TTF1: variants seen among roughly 807,000 people sequenced by gnomAD.
The protein encoded by TTF1 is transcription termination factor, RNA polymerase I.
In TTF1, 64 loss-of-function variants were observed where a neutral mutation model predicts 80.2. The observed-to-expected ratio is 0.80, with a 90% CI of 0.65 to 0.98. The LOEUF (loss-of-function observed/expected upper bound fraction) is 0.98. Ranked by LOEUF, TTF1 falls within the 50% of genes least tolerant of loss-of-function variation. TTF1 has a pLI of 0.00. For synonymous variants in TTF1, 372 were observed against 382.7 expected (o/e 0.97, Z 0.33); for missense variants, 1,023 against 1,086.2 (o/e 0.94, Z 0.82).
chr9:132,377,487 GGTGT>G (rs145667510), intron 10 of TTF1, among the ~76,000 whole-genome samples: 61,642 of 84,764 alleles, frequency 0.73, 23,615 homozygotes, highest in Non-Finnish European at 0.81. Flanking sequence ...GAATGCATGT[GGTGT>G]GTGTGAGTGC....
Position 132,384,044 on chromosome 9 carries a change from G to C in TTF1, c.2378+2512C>G, listed in dbSNP as rs1291759368. ...ACTAGAATTATTTGAATTTTGAATG[G>C]TACTAAGGCTGCAAAGTATGTAAAA... On this transcript the variant is annotated intron_variant, in intron 9 of 10. Coordinates refer to ENST00000334270, the MANE Select transcript of TTF1 (RefSeq NM_007344.4). This position sits in a 1 kb window ranked among gnomAD's most constrained non-coding sequence, Gnocchi z 4.1. 6.6e-6 allele frequency among the ~76,000 whole-genome samples: 1 copy of C among 152,090 alleles called. No individual in the cohort carries two copies. The highest frequency in any genetic ancestry group is 1.5e-5 in the Non-Finnish European group (1 of 68,026).
chr9:132,406,107 A>G (rs914293288), intron 1 of TTF1, among the ~76,000 whole-genome samples: 1 of 152,000 alleles, frequency 6.6e-6, no homozygotes, highest in Non-Finnish European at 1.5e-5. Context: ...CTCGATACAT[A>G]TTGAGAACGG....
chr9:132,381,694 G>A (rs1031571476), intron 9 of TTF1, among the ~76,000 whole-genome samples: 6 of 152,064 alleles, frequency 3.9e-5, no homozygotes, highest in African/African-American at 1.5e-4. Flanking sequence ...TTGGGACCAC[G>A]GCATGTATCT....
chr9:132,402,186 T>G lies in TTF1; in HGVS notation c.636A>C (p.Ala212=). The G allele has an allele frequency of 6.2e-7, 1 of 1,614,194 alleles. No individual in the cohort carries two copies. Among genetic ancestry groups the G allele is most frequent in the Non-Finnish European group, 8.5e-7 (1 of 1,180,038 alleles). ...TCTTAGACTTGTTTTTATGAGCAGATGCTGGTAGTTCTGTAATTTCACCCC... is the reference window on the plus strand; with the variant it reads ...TCTTAGACTTGTTTTTATGAGCAGAGGCTGGTAGTTCTGTAATTTCACCCC... ...GPGGEITELP[A]SAHKNKSKKK... The change falls in exon 2 of 11, where the codon GCA becomes GCC. Residue 212 remains alanine (A), a synonymous_variant. Coordinates refer to ENST00000334270, the MANE Select transcript of TTF1 (RefSeq NM_007344.4).
At chr9:132,399,619 T>C (rs1465383734) in intron 3 of TTF1, among the ~76,000 whole-genome samples, 1 of 152,190 alleles carries the variant, frequency 6.6e-6, no homozygotes, top group African/African-American at 2.4e-5. Flanking sequence ...AAGAAGGTGA[T>C]CAAGTCTACC....
At chr9:132,399,957 G>C (rs1352166740) in intron 3 of TTF1, 78 bp downstream of exon 3, 21 of 1,420,336 alleles carry the variant, frequency 1.5e-5, no homozygotes, top group Non-Finnish European at 2.1e-5. Flanking sequence ...CTATAAATCT[G>C]AATCATCCAT....
chr9:132,376,469 CAAAG>C (rs1026275034), intron 10 of TTF1, among the ~76,000 whole-genome samples: 43 of 152,086 alleles, frequency 2.8e-4, no homozygotes, highest in African/African-American at 8.7e-4. Context: ...CTGCTGAACG[CAAAG>C]ACGCATTTCA....
rs962328231 is a variant in TTF1, at chr9:132,400,058, C to T, written c.1568G>A (p.Arg523Gln). 24 of 1,614,052 alleles carry T rather than the reference C, an allele frequency of 1.5e-5. No homozygotes were observed. Among genetic ancestry groups the T allele is most frequent in the East Asian group, 2.2e-5 (1 of 44,896 alleles). The part of the protein sequence containing the change: ...IKRMYRDDLE[R>Q]FKEFKAQGVA... ...ACCTTGTGCTTTAAATTCCTTAAAC[C>T]GTTCCAAGTCGTCCCGGTACATCCG... is the stretch of plus-strand genomic sequence containing the variant. The change falls in exon 3 of 11, where the codon CGG becomes CAG. Residue 523 changes from arginine (R) to glutamine (Q), a missense_variant. Physicochemically the swap from Arg to Gln is conservative, Grantham distance 43 (BLOSUM62 1). Transcript: ENST00000334270.
intron 6 of TTF1, among the ~76,000 whole-genome samples, chr9:132,391,525 T>C (rs898772972): frequency 4.0e-5 from 6 of 151,792 alleles, no homozygotes; most frequent in Admixed American, 6.6e-5. Flanking sequence ...AAAAAAACAA[T>C]TTAAGATTTT....
chr9:132,381,434 C>T (rs2131623645), intron 9 of TTF1, among the ~76,000 whole-genome samples: 1 of 152,338 alleles, frequency 6.6e-6, no homozygotes, highest in South Asian at 2.1e-4. Context: ...AAGCAATCCA[C>T]CCGCCTTGGC....
At chr9:132,392,393 G>C (rs1849575872) in intron 5 of TTF1, among the ~76,000 whole-genome samples, 187 bp from the exon 6 acceptor site, 1 of 152,148 alleles carries the variant, frequency 6.6e-6, no homozygotes, top group Admixed American at 6.5e-5. Context: ...AATCACTGAA[G>C]TGGAGACCAG....
rs1341391373 is a variant in TTF1 at position 132,398,202 on chromosome 9, A to G, written c.1716T>C (p.Tyr572=). Residue 572 remains tyrosine (Y), a synonymous_variant, in exon 4 of 11, where the codon TAT becomes TAC. Coordinates refer to ENST00000334270, the MANE Select transcript of TTF1 (RefSeq NM_007344.4). ...TGGTGATCACAGATTTTTCCTCAGG[A>G]TATCTGTCCGTGTACAGCAGCTTGT... The part of the protein sequence containing the change: ...SADKLLYTDR[Y]PEEKSVITNL... 1 of 1,594,194 alleles carries G rather than the reference A, an allele frequency of 6.3e-7. No homozygotes were observed. The highest frequency in any genetic ancestry group is 8.5e-7 in the Non-Finnish European group (1 of 1,174,382).
intron 10 of TTF1, among the ~76,000 whole-genome samples, chr9:132,378,081 G>A (rs1206878638): frequency 7.5e-6 from 1 of 132,706 alleles, no homozygotes; most frequent in East Asian, 2.6e-4. Context: ...TGGTGTGTGT[G>A]AGTGCATGTG....
At chr9:132,402,917 G>A (rs1300536701) in intron 1 of TTF1, 89 bp from the exon 2 acceptor site, 8 of 1,283,998 alleles carry the variant, frequency 6.2e-6, no homozygotes, top group South Asian at 3.1e-5. Context: ...GTGCAGTGGC[G>A]CGATCTCGGC....
At chr9:132,379,401 T>C (rs1465191724) in intron 9 of TTF1, among the ~76,000 whole-genome samples, 1 of 152,202 alleles carries the variant, frequency 6.6e-6, no homozygotes, top group Admixed American at 6.5e-5. Flanking sequence ...TTAAGATAAC[T>C]TGTATCACTA....
intron 9 of TTF1, among the ~76,000 whole-genome samples, chr9:132,380,029 G>GA (rs1448700617): frequency 6.6e-6 from 1 of 152,044 alleles, no homozygotes; most frequent in Non-Finnish European, 1.5e-5. Flanking sequence ...ACTAGCTGAG[G>GA]ACGTATGTGC....
At chr9:132,395,911 G>T (rs1026215963) in intron 5 of TTF1, among the ~76,000 whole-genome samples, 1 of 152,164 alleles carries the variant, frequency 6.6e-6, no homozygotes, top group Non-Finnish European at 1.5e-5. Flanking sequence ...AAATGTGTTG[G>T]AAACAAATTA....
intron 4 of TTF1, among the ~76,000 whole-genome samples, chr9:132,396,866 C>T (rs1204637653): frequency 6.6e-6 from 1 of 152,026 alleles, no homozygotes; most frequent in Admixed American, 6.5e-5. Flanking sequence ...CGGGGTTTCA[C>T]TAAATGAAAC....
intron 7 of TTF1, among the ~76,000 whole-genome samples, chr9:132,388,519 T>C (rs1849510194): frequency 6.6e-6 from 1 of 152,058 alleles, no homozygotes; most frequent in African/African-American, 2.4e-5. Flanking sequence ...TTTTGTATTT[T>C]CAGTAGAGAC....
Sources: gnomAD v4.1 joint callset for allele counts (sites outside exome capture counted in the v4.1 genomes callset) on GRCh38, gnomAD v4.1.1 for gene constraint, Gnocchi (gnomAD v3.1) non-coding constraint, MANE v1.5 for transcripts, NCBI Gene and HGNC (gene_info 2026-07-23, HGNC 2026-07-21) for gene names.